Variants in TCF12 observed in about 807,000 individuals in gnomAD.
The protein encoded by TCF12 is transcription factor 12, also known as DNA-binding protein HTF4.
In TCF12, 45 loss-of-function variants were observed where a neutral mutation model predicts 86.0. The observed-to-expected ratio is 0.52, with a 90% confidence interval of 0.41 to 0.67. The LOEUF (loss-of-function observed/expected upper bound fraction) is 0.67, where lower values mean the gene tolerates loss of function less well. Among genes scored for constraint, TCF12 ranks in the 30% least tolerant of loss-of-function variants. The probability of loss-of-function intolerance (pLI) is 0.00; values close to 1 mark genes in which losing one functional copy is unlikely to be tolerated. For synonymous variants in TCF12, 330 were observed against 299.6 expected (o/e 1.10, Z -1.05); for missense variants, 881 against 859.9 (o/e 1.02, Z -0.31).
chr15:56,959,906 T>A (rs2061668496), intron 3 of TCF12, among the ~76,000 whole-genome samples: 1 of 152,144 alleles, frequency 6.6e-6, no homozygotes. Flanking sequence ...ACAAAAAAAT[T>A]AGCAAGATTA....
At chr15:56,943,156 AC>A (rs2060852861) in intron 3 of TCF12, among the ~76,000 whole-genome samples, 1 of 152,172 alleles carries the variant, frequency 6.6e-6, no homozygotes, top group African/African-American at 2.4e-5. Context: ...TATTTTTTAC[AC>A]AATAGGGAAC....
chr15:57,167,401 A>G (rs2054980461), intron 6 of TCF12, among the ~76,000 whole-genome samples: 1 of 152,086 alleles, frequency 6.6e-6, no homozygotes. Context: ...TCTCTACTTA[A>G]AATGTAAAAA....
chr15:56,934,744 AGTAAGGAGACTACTGG>A (rs1312619881), intron 3 of TCF12, among the ~76,000 whole-genome samples: 1 of 152,202 alleles, frequency 6.6e-6, no homozygotes, highest in Non-Finnish European at 1.5e-5. Flanking sequence ...ACAAATCCAA[AGTAAGGAGACTACTGG>A]GTTCCTTTGG....
chr15:56,932,704 G>A (rs148344233), intron 3 of TCF12, among the ~76,000 whole-genome samples: 6,122 of 152,082 alleles, frequency 0.04, 367 homozygotes, highest in Admixed American at 0.17. Context: ...AAGTAGCTGG[G>A]ATTACAGGCA....
chr15:57,172,253 A>T (rs555405857), intron 6 of TCF12, among the ~76,000 whole-genome samples: 1 of 152,338 alleles, frequency 6.6e-6, no homozygotes, highest in South Asian at 2.1e-4. Context: ...ACAAAAATTG[A>T]TAGAATTAAA....
At chr15:57,032,807 T>C (rs2066282117) in intron 3 of TCF12, among the ~76,000 whole-genome samples, 1 of 152,270 alleles carries the variant, frequency 6.6e-6, no homozygotes, top group Admixed American at 6.5e-5. Flanking sequence ...TTACTTGATA[T>C]ACAAAAGGCC....
At chr15:57,244,399 C>A (rs971248061) in intron 13 of TCF12, among the ~76,000 whole-genome samples, 2 of 151,200 alleles carry the variant, frequency 1.3e-5, no homozygotes, top group Non-Finnish European at 2.9e-5. Flanking sequence ...GTTTTTCTGC[C>A]GAGGAAAAAA....
chr15:57,099,584 A>C (rs754539915), intron 5 of TCF12, among the ~76,000 whole-genome samples: 3 of 152,202 alleles, frequency 2.0e-5, no homozygotes, highest in Non-Finnish European at 4.4e-5. Flanking sequence ...TCTTCTCAGA[A>C]AATTTATATG....
intron 3 of TCF12, among the ~76,000 whole-genome samples, chr15:57,061,119 T>G (rs1490158137): frequency 1.3e-5 from 2 of 152,232 alleles, no homozygotes; most frequent in Admixed American, 6.5e-5. Flanking sequence ...CATCACCCAA[T>G]TAATTACCAT....
intron 3 of TCF12, among the ~76,000 whole-genome samples, chr15:56,963,853 T>C (rs544497354): frequency 3.5e-4 from 53 of 152,342 alleles, no homozygotes; most frequent in African/African-American, 1.2e-3. Context: ...AGCGTTCATG[T>C]ATGTATCGTA....
intron 12 of TCF12, among the ~76,000 whole-genome samples, chr15:57,237,070 T>C (rs191173128): frequency 7.2e-5 from 11 of 152,288 alleles, no homozygotes; most frequent in African/African-American, 2.4e-4. Flanking sequence ...TGTTTAACTT[T>C]GTTGATTATA....
At chr15:57,057,228 T>C (rs2068097949) in intron 3 of TCF12, among the ~76,000 whole-genome samples, 1 of 152,198 alleles carries the variant, frequency 6.6e-6, no homozygotes, top group Admixed American at 6.5e-5. Context: ...AAACCAAAAA[T>C]TTGGGACCTC....
chr15:57,101,945 T>C lies in TCF12; in HGVS notation c.325+10054T>C, dbSNP rs139346271. On this transcript the variant is annotated intron_variant, in intron 5 of 20. Coordinates refer to ENST00000333725, the MANE Select transcript of TCF12 (RefSeq NM_207037.2). Reference sequence around the variant, plus strand: ...CACACTTGTCCCTGGTATTAGGGATTAGCAAACTACACACAAAGAGCCAGA... The same window carrying C: ...CACACTTGTCCCTGGTATTAGGGATCAGCAAACTACACACAAAGAGCCAGA... 3.8e-3 allele frequency among the ~76,000 whole-genome samples: 582 copies of C among 152,328 alleles called. 2 individuals carry two copies. Among genetic ancestry groups the C allele is most frequent in the African/African-American group, 0.014 (563 of 41,576 alleles).
intron 3 of TCF12, among the ~76,000 whole-genome samples, chr15:56,922,000 T>C (rs1025026400): frequency 6.6e-6 from 1 of 151,956 alleles, no homozygotes; most frequent in African/African-American, 2.4e-5. Context: ...AAGGCATTTT[T>C]TGGATTTTAA....
At chr15:56,976,383 A>G (rs926770770) in intron 3 of TCF12, among the ~76,000 whole-genome samples, 2 of 149,534 alleles carry the variant, frequency 1.3e-5, no homozygotes, top group South Asian at 4.3e-4. Context: ...GGCGGCCGCT[A>G]CCACGCCTGG....
intron 8 of TCF12, among the ~76,000 whole-genome samples, chr15:57,212,715 A>C (rs568260427): frequency 7.2e-5 from 11 of 152,194 alleles, no homozygotes; most frequent in Non-Finnish European, 1.3e-4. Context: ...ATTAGTGGTG[A>C]AATGGCTAGG....
intron 3 of TCF12, among the ~76,000 whole-genome samples, chr15:57,043,732 T>C (rs1829112332): frequency 6.6e-6 from 1 of 152,184 alleles, no homozygotes; most frequent in African/African-American, 2.4e-5. Flanking sequence ...TTCTATGAAG[T>C]GTTAGGCTAG....
intron 8 of TCF12, among the ~76,000 whole-genome samples, chr15:57,225,089 T>C (rs1340287452): frequency 6.6e-6 from 1 of 152,120 alleles, no homozygotes; most frequent in Non-Finnish European, 1.5e-5. Context: ...ATTTTAATAT[T>C]TATCTAGATT....
At chr15:57,123,650 G>A (rs1480328756) in intron 5 of TCF12, among the ~76,000 whole-genome samples, 4 of 149,744 alleles carry the variant, frequency 2.7e-5, no homozygotes, top group African/African-American at 9.8e-5. Context: ...CTCAGCTAAT[G>A]TAAAAAAAAA....
Sources: allele counts gnomAD v4.1 joint callset (sites outside exome capture counted in the v4.1 genomes callset), GRCh38; gene constraint gnomAD v4.1.1; transcripts MANE v1.5; gene names NCBI Gene and HGNC (gene_info 2026-07-23, HGNC 2026-07-21).